ERAP1: variants seen among roughly 807,000 people sequenced by gnomAD.
The protein encoded by ERAP1 is adipocyte-derived leucine aminopeptidase.
Under a neutral mutation model 103.7 loss-of-function variants are expected in ERAP1, and 86 were observed. That is an observed-to-expected ratio of 0.83 (90% confidence interval 0.70 to 0.99). The LOEUF (loss-of-function observed/expected upper bound fraction) is 0.99, where lower values mean the gene tolerates loss of function less well. ERAP1 is among the 50% of genes least tolerant of loss of function. ERAP1 has a pLI of 0.00. For synonymous variants in ERAP1, 398 were observed against 402.4 expected (o/e 0.99, Z 0.13); for missense variants, 1,009 against 1,128.4 (o/e 0.89, Z 1.52).
chr5:96,785,160 C>T (rs976892256), intron 13 of ERAP1: 1 of 155,270 alleles, frequency 6.4e-6, no homozygotes, highest in Non-Finnish European at 1.4e-5. Context: ...GAGTTTTAGG[C>T]TTTGGGAGCA....
chr5:96,793,701 TA>T lies in ERAP1; in HGVS notation c.1074+101del, dbSNP rs558649014. On this transcript the variant is annotated intron_variant, in intron 6 of 18. Coordinates refer to ENST00000443439, the MANE Select transcript of ERAP1 (RefSeq NM_001040458.3). ...GCTTTGGAGAAACAATTTTTCCTAT[TA>T]AAAAAAGACAAAGTAAAAATTATAT... is the stretch of plus-strand genomic sequence containing the variant. 1.6e-4 allele frequency: 202 copies of T among 1,265,232 alleles called. No individual in the cohort carries two copies. In the African/African-American group the frequency reaches 2.9e-3, roughly 18 times the overall value. The allele number at this position is 1,265,232 out of a possible 1,614,324, so 78.4% of individuals were successfully genotyped here.
the ERAP1 span, among the ~76,000 whole-genome samples, chr5:96,862,536 C>T: frequency 6.6e-6 from 1 of 152,116 alleles, no homozygotes; most frequent in Admixed American, 6.6e-5. Flanking sequence ...TGTGTCAAAG[C>T]CAGATATGAG....
intron 4 of ERAP1, 83 bp from the exon 5 acceptor site, chr5:96,795,245 C>T (rs1283061318): frequency 1.3e-6 from 2 of 1,566,736 alleles, no homozygotes; most frequent in African/African-American, 2.7e-5. Context: ...ACATTAATGT[C>T]TTCATATTGT....
the ERAP1 span, among the ~76,000 whole-genome samples, chr5:96,910,476 A>C: frequency 2.0e-5 from 3 of 152,038 alleles, no homozygotes; most frequent in African/African-American, 4.8e-5. Context: ...TTAAAAAAAA[A>C]CCTTTTAAAT....
At chr5:96,859,454 G>A in the ERAP1 span, among the ~76,000 whole-genome samples, 2 of 151,962 alleles carry the variant, frequency 1.3e-5, no homozygotes, top group Admixed American at 1.3e-4. Context: ...TACTAGATTG[G>A]CGGAACCAAA....
rs1773936436 is a variant in ERAP1, at chr5:96,775,129, C to CTT, written c.*1265_*1266dup. 1 of 985,376 alleles carries CTT rather than the reference C, an allele frequency of 1.0e-6. No homozygotes were observed. Among genetic ancestry groups the CTT allele is most frequent in the Admixed American group, 6.2e-5 (1 of 16,258 alleles). 61.0% of individuals were successfully genotyped at this position (985,376 alleles called of 1,614,324 possible). A position where few individuals can be genotyped will look rare whatever the true frequency, so the allele number is the denominator to read the frequency against. On this transcript the variant is annotated 3_prime_UTR_variant, in exon 19 of 19. Transcript: ENST00000443439. ...TCAGAATAAGAAATAAAATCTAATT[C>CTT]TTAGGGTATTAACTGACTTGACTTG...
At chr5:96,825,129 C>G in the ERAP1 span, among the ~76,000 whole-genome samples, 1 of 152,202 alleles carries the variant, frequency 6.6e-6, no homozygotes, top group Non-Finnish European at 1.5e-5. Flanking sequence ...AGGACTGTGT[C>G]TCTCTCTTTC....
the ERAP1 span, chr5:96,900,039 A>G: frequency 6.8e-7 from 1 of 1,469,238 alleles, no homozygotes; most frequent in East Asian, 2.3e-5. Context: ...CTTTTAATAA[A>G]TGCCTGCATC....
the ERAP1 span, among the ~76,000 whole-genome samples, chr5:96,838,345 G>A: frequency 6.6e-6 from 1 of 152,164 alleles, no homozygotes; most frequent in Non-Finnish European, 1.5e-5. Context: ...GATGGACCAG[G>A]TAGCCCTCAG....
At chr5:96,877,512 C>T in the ERAP1 span, among the ~76,000 whole-genome samples, 1 of 152,344 alleles carries the variant, frequency 6.6e-6, no homozygotes, top group East Asian at 1.9e-4. Context: ...TTCCTATATG[C>T]TCCATGCTGT....
the ERAP1 span, among the ~76,000 whole-genome samples, chr5:96,850,800 A>T: frequency 1.3e-5 from 2 of 152,228 alleles, no homozygotes; most frequent in Non-Finnish European, 2.9e-5. Context: ...CTGGACAAAG[A>T]TATCCAGAAA....
chr5:96,891,522 T>C, the ERAP1 span, among the ~76,000 whole-genome samples: 1 of 31,644 alleles, frequency 3.2e-5, no homozygotes, highest in African/African-American at 1.3e-4. Context: ...TATATGCCCA[T>C]ATACGGTATA....
chr5:96,929,012 C>T, the ERAP1 span, among the ~76,000 whole-genome samples: 9 of 152,208 alleles, frequency 5.9e-5, no homozygotes, highest in African/African-American at 2.2e-4. Flanking sequence ...TGTACAACTT[C>T]AGTAAGGTGA....
the ERAP1 span, among the ~76,000 whole-genome samples, chr5:96,932,795 A>AT: frequency 6.6e-6 from 1 of 152,038 alleles, no homozygotes; most frequent in Non-Finnish European, 1.5e-5. Context: ...GGGTGCTTAT[A>AT]TTTTTTTCCT....
intron 15 of ERAP1, among the ~76,000 whole-genome samples, chr5:96,782,401 A>G (rs943596531): frequency 6.6e-6 from 1 of 152,238 alleles, no homozygotes; most frequent in Non-Finnish European, 1.5e-5. Context: ...ATTTTTATAA[A>G]TACCTACATA....
the ERAP1 span, among the ~76,000 whole-genome samples, chr5:96,911,239 A>G: frequency 6.6e-6 from 1 of 152,208 alleles, no homozygotes; most frequent in African/African-American, 2.4e-5. Context: ...AATAAGAGGT[A>G]TGGAGACTAG....
chr5:96,857,398 A>G, the ERAP1 span, among the ~76,000 whole-genome samples: 1 of 152,316 alleles, frequency 6.6e-6, no homozygotes, highest in Admixed American at 6.5e-5. Context: ...ATCTTGTGAT[A>G]ATTTTATCCT....
At chr5:96,762,005 T>G (rs1261999890) in exon 20 of ERAP1, 1 of 263,894 alleles carries the variant, frequency 3.8e-6, no homozygotes, top group African/African-American at 2.2e-5. Flanking sequence ...AGGAAATGTG[T>G]AAACAAACCG....
chr5:96,900,382 A>G, the ERAP1 span: 2 of 870,544 alleles, frequency 2.3e-6, no homozygotes, highest in South Asian at 6.1e-5. Context: ...TTGCTACTAT[A>G]TTTTTGTTGT....
Sources: gnomAD v4.1 joint callset for allele counts (sites outside exome capture counted in the v4.1 genomes callset) on GRCh38, gnomAD v4.1.1 for gene constraint, MANE v1.5 for transcripts, NCBI Gene and HGNC (gene_info 2026-07-23, HGNC 2026-07-21) for gene names.